The following LRRTM4 variants were observed in gnomAD, a reference collection of about 807,000 sequenced individuals.
LRRTM4 encodes leucine-rich repeat transmembrane neuronal protein 4.
Under a neutral mutation model 47.6 loss-of-function variants are expected in LRRTM4, and 25 were observed. That is an observed-to-expected ratio of 0.53 (90% CI 0.38 to 0.73). LRRTM4 has a LOEUF of 0.73. Among genes scored for constraint, LRRTM4 ranks in the 30% least tolerant of loss-of-function variants. LRRTM4 has a pLI of 0.00. For missense variants in LRRTM4, 638 were observed against 713.4 expected, an observed-to-expected ratio of 0.89 and a Z score of 1.20; for synonymous variants, 311 against 269.5, an observed-to-expected ratio of 1.15 and a Z score of -1.51.
At chr2:77,200,650 AC>A (rs749269390) in intron 3 of LRRTM4, among the ~76,000 whole-genome samples, 3 of 151,866 alleles carry the variant, frequency 2.0e-5, no homozygotes, top group Non-Finnish European at 4.4e-5. Context: ...TATAATCTTC[AC>A]TCATTATTTT....
chr2:76,893,857 A>T (rs1487797461), intron 3 of LRRTM4, among the ~76,000 whole-genome samples: 1 of 151,854 alleles, frequency 6.6e-6, no homozygotes, highest in Non-Finnish European at 1.5e-5. Context: ...AATTGTATAC[A>T]TTTTGGGTGC....
chr2:77,490,608 A>G (rs1057008185), intron 3 of LRRTM4, among the ~76,000 whole-genome samples: 8 of 145,934 alleles, frequency 5.5e-5, no homozygotes, highest in African/African-American at 2.0e-4. Flanking sequence ...ATCTTACCAT[A>G]AAGTATCAAA....
intron 3 of LRRTM4, among the ~76,000 whole-genome samples, chr2:77,024,564 A>ATT (rs140609403): frequency 6.7e-6 from 1 of 150,316 alleles, no homozygotes; most frequent in African/African-American, 2.4e-5. Flanking sequence ...GAAAAATCAC[A>ATT]TTTTTTTTTG....
At chr2:77,204,357 T>C (rs1352987439) in intron 3 of LRRTM4, among the ~76,000 whole-genome samples, 1 of 152,006 alleles carries the variant, frequency 6.6e-6, no homozygotes, top group African/African-American at 2.4e-5. Context: ...TAAATACTGA[T>C]GATGATGACA....
At chr2:77,361,236 A>T (rs970324327) in intron 3 of LRRTM4, among the ~76,000 whole-genome samples, 2 of 56,254 alleles carry the variant, frequency 3.6e-5, no homozygotes, top group Admixed American at 2.7e-4. Flanking sequence ...TCCTTCATTA[A>T]AAAAAAAAAA....
At chr2:77,247,378 C>G (rs1178931205) in intron 3 of LRRTM4, among the ~76,000 whole-genome samples, 2 of 152,060 alleles carry the variant, frequency 1.3e-5, no homozygotes, top group African/African-American at 2.4e-5. Flanking sequence ...AACCACACTA[C>G]CATATGACTT....
intron 3 of LRRTM4, among the ~76,000 whole-genome samples, chr2:76,777,552 T>C (rs1350538081): frequency 4.3e-5 from 6 of 140,528 alleles, no homozygotes; most frequent in Admixed American, 2.9e-4. Flanking sequence ...ATGATTTGGC[T>C]CTCTGTTTGT....
At chr2:77,287,961 T>A (rs568285619) in intron 3 of LRRTM4, among the ~76,000 whole-genome samples, 112 of 152,216 alleles carry the variant, frequency 7.4e-4, no homozygotes, top group African/African-American at 2.5e-3. Flanking sequence ...GGGTAATGTA[T>A]TCACATCATT....
In LRRTM4 at chr2:77,484,633, A is replaced by T. The variant is rs991385232; in HGVS notation, c.1551+33685T>A. 6.6e-5 allele frequency among the ~76,000 whole-genome samples: 10 copies of T among 152,246 alleles called. No homozygotes were observed. In the East Asian group the frequency reaches 1.5e-3, roughly 23 times the overall value. ...ATAAAATTTGTTTAAATGCATAATT[A>T]TGGTTATATCAAGTAAAAACATATT... On this transcript the variant is annotated intron_variant, in intron 3 of 3. Coordinates refer to ENST00000409884, the MANE Select transcript of LRRTM4 (RefSeq NM_001134745.3).
intron 3 of LRRTM4, among the ~76,000 whole-genome samples, chr2:77,434,743 G>T (rs527836768): frequency 6.6e-6 from 1 of 152,190 alleles, no homozygotes; most frequent in African/African-American, 2.4e-5. Context: ...CATTTTAAAA[G>T]TCAGTAAAGC....
intron 3 of LRRTM4, among the ~76,000 whole-genome samples, chr2:77,458,573 C>T (rs1387620009): frequency 1.3e-5 from 2 of 151,310 alleles, no homozygotes; most frequent in Non-Finnish European, 2.9e-5. Context: ...TTGCACTTTC[C>T]ATCAACTGCC....
At chr2:76,754,897 G>A (rs561058268) in intron 3 of LRRTM4, among the ~76,000 whole-genome samples, 22 of 152,074 alleles carry the variant, frequency 1.4e-4, no homozygotes, top group Non-Finnish European at 2.6e-4. Flanking sequence ...CAGCACTCAC[G>A]GGAGCTCATC....
Position 77,455,745 on chromosome 2 carries a change from G to A in LRRTM4, c.1551+62573C>T, listed in dbSNP as rs555737921. Among the ~76,000 whole-genome samples the A allele has an allele frequency of 9.2e-5, 14 of 151,772 alleles. 1 individual carries two copies. Among genetic ancestry groups the A allele is most frequent in the Admixed American group, 5.3e-4 (8 of 15,224 alleles). ...CTCTTAGTTCCCAGAACCTCTATAC[G>A]CCAAATTCCTTTTTTATCACTTCAC... is the stretch of plus-strand genomic sequence containing the variant. On this transcript the variant is annotated intron_variant, in intron 3 of 3. Transcript: ENST00000409884.
At chr2:77,287,690 A>G in intron 3 of LRRTM4, among the ~76,000 whole-genome samples, 1 of 152,130 alleles carries the variant, frequency 6.6e-6, no homozygotes, top group Admixed American at 6.6e-5. Context: ...CCTGTTAGTA[A>G]CTTAGTAGTT....
At chr2:77,041,383 T>TA (rs1679027472) in intron 3 of LRRTM4, among the ~76,000 whole-genome samples, 1 of 151,356 alleles carries the variant, frequency 6.6e-6, no homozygotes, top group Non-Finnish European at 1.5e-5. Flanking sequence ...GACATGGGAG[T>TA]ACAGGTACCT....
chr2:77,291,422 A>G (rs1676819365), intron 3 of LRRTM4, among the ~76,000 whole-genome samples: 1 of 152,096 alleles, frequency 6.6e-6, no homozygotes, highest in Non-Finnish European at 1.5e-5. Flanking sequence ...ACAGATTTTT[A>G]ATTCAAAAGC....
At chr2:77,066,569 T>C (rs1488934724) in intron 3 of LRRTM4, among the ~76,000 whole-genome samples, 1 of 152,148 alleles carries the variant, frequency 6.6e-6, no homozygotes, top group Non-Finnish European at 1.5e-5. Context: ...AGTTTCCCTT[T>C]ATTGGAGAGC....
At chr2:77,448,211 C>A (rs1354392468) in intron 3 of LRRTM4, among the ~76,000 whole-genome samples, 2 of 152,052 alleles carry the variant, frequency 1.3e-5, no homozygotes. Flanking sequence ...GCATATGAAT[C>A]AGCTGTTGTG....
At chr2:77,195,612 T>C (rs1051662680) in intron 3 of LRRTM4, among the ~76,000 whole-genome samples, 49 of 152,080 alleles carry the variant, frequency 3.2e-4, no homozygotes, top group Non-Finnish European at 5.0e-4. Context: ...GCTAACATGA[T>C]AAAGATATAT....
Sources: gnomAD v4.1 joint callset for allele counts (sites outside exome capture counted in the v4.1 genomes callset) on GRCh38, gnomAD v4.1.1 for gene constraint, MANE v1.5 for transcripts, NCBI Gene and HGNC (gene_info 2026-07-23, HGNC 2026-07-21) for gene names.